Variants in PXT1 observed in about 807,000 individuals in gnomAD.
PXT1 encodes the protein peroxisomal testis enriched protein 1.
A neutral mutation model predicts 11.0 loss-of-function variants in PXT1; 11 were observed. The ratio of observed to expected loss-of-function variants is 1.00; its 90% CI spans 0.63 to 1.66. The LOEUF is 1.66. PXT1 is among the 40% of genes most tolerant of loss of function. PXT1 has a pLI of 0.00. For synonymous variants in PXT1, 43 were observed against 51.4 expected (o/e 0.84, Z 0.70); for missense variants, 141 against 155.5 (o/e 0.91, Z 0.49).
At chr6:36,395,357 A>G (rs555597675) in intron 4 of PXT1, among the ~76,000 whole-genome samples, 1 of 152,302 alleles carries the variant, frequency 6.6e-6, no homozygotes, top group South Asian at 2.1e-4. Context: ...TGCTTGATTA[A>G]ACAGAGTACA....
chr6:36,400,481 G>T lies in PXT1; in HGVS notation c.273C>A (p.Asp91Glu). 6.2e-7 allele frequency: 1 copy of T among 1,613,864 alleles called. No individual in the cohort carries two copies. The highest frequency in any genetic ancestry group is 8.5e-7 in the Non-Finnish European group (1 of 1,179,854). The change falls in exon 4 of 5, where the codon GAC becomes GAA. Residue 91 changes from aspartate to glutamate, a missense_variant. By Grantham distance (45) the Asp-to-Glu change is conservative (BLOSUM62 2). Transcript: ENST00000454782. The part of the protein sequence containing the change: ...KLAMQLRHIG[D>E]NIDHRMVRED... The stretch of plus-strand genomic sequence containing the variant: ...CTCGAACCATCCTATGATCAATGTT[G>T]TCCCCAATGTGTCTCAGCTGCATGG...
In PXT1 at chr6:36,391,584, C is replaced by T; in HGVS notation, c.*186G>A. On this transcript the variant is annotated 3_prime_UTR_variant, in exon 5 of 5. Transcript: ENST00000454782. ...GTGATCGCAGACATCTCATAGCTAG[C>T]TCCTCCGAAGAGACAAATGGCTCGT... The T allele has an allele frequency of 3.3e-6, 2 of 610,622 alleles. No homozygotes were observed. The highest frequency in any genetic ancestry group is 2.9e-6 in the Non-Finnish European group (1 of 341,822). The allele number at this position is 610,622 out of a possible 1,614,324, so 37.8% of individuals were successfully genotyped here.
At chr6:36,410,043 G>A (rs12202691) in intron 3 of PXT1, among the ~76,000 whole-genome samples, 38,602 of 150,834 alleles carry the variant, frequency 0.26, 5,004 homozygotes, top group East Asian at 0.39. Flanking sequence ...AGGGTGGCTG[G>A]GGGACTCGGT....
chr6:36,441,072 G>A (rs796556853), intron 1 of PXT1, among the ~76,000 whole-genome samples: 7 of 147,168 alleles, frequency 4.8e-5, no homozygotes, highest in African/African-American at 1.8e-4. Context: ...TTCAAGACCT[G>A]CCTGGGCAAC....
At chr6:36,417,833 GCACA>G in intron 3 of PXT1, among the ~76,000 whole-genome samples, 1 of 151,774 alleles carries the variant, frequency 6.6e-6, no homozygotes, top group Non-Finnish European at 1.5e-5. Flanking sequence ...AAATGTAAAT[GCACA>G]TTATTTAGAA....
chr6:36,406,462 A>C (rs1774293700), intron 3 of PXT1, among the ~76,000 whole-genome samples: 1 of 152,126 alleles, frequency 6.6e-6, no homozygotes, highest in Admixed American at 6.6e-5. Flanking sequence ...GAAAATATTG[A>C]AAGGACAGGG....
At chr6:36,410,421 G>T (rs1435430220) in intron 3 of PXT1, among the ~76,000 whole-genome samples, 25 of 149,374 alleles carry the variant, frequency 1.7e-4, no homozygotes, top group Admixed American at 1.3e-3. Context: ...TTGCTCGCCA[G>T]CCAGGGCAAC....
At position 36,391,917 on chromosome 6, in the gene PXT1, TTTTA is replaced by T. The variant is rs373183785; in HGVS notation, c.301-47_301-44del. ...GACACAGAGAAAGGTTTTTTTTTTT[TTTTA>T]AAAGTGATAGAATAATCCAAAGTTA... On this transcript the variant is annotated intron_variant, in intron 4 of 4. Transcript: ENST00000454782. The T allele has an allele frequency of 6.9e-3, 7,640 of 1,106,490 alleles. 8 individuals carry two copies. Among genetic ancestry groups the T allele is most frequent in the East Asian group, 0.013 (451 of 33,490 alleles). The allele number at this position is 1,106,490 out of a possible 1,614,324, so 68.5% of individuals were successfully genotyped here.
chr6:36,427,015 CTTTTTTTT>C (rs71768864), intron 2 of PXT1, among the ~76,000 whole-genome samples: 1 of 141,166 alleles, frequency 7.1e-6, no homozygotes, highest in African/African-American at 2.6e-5. Flanking sequence ...CTTTTTTTTT[CTTTTTTTT>C]TTTTGAGACA....
chr6:36,413,679 T>C (rs1774407891), intron 3 of PXT1, among the ~76,000 whole-genome samples: 1 of 152,002 alleles, frequency 6.6e-6, no homozygotes, highest in Non-Finnish European at 1.5e-5. Flanking sequence ...TAGAATTCTA[T>C]GCCCAGCTAA....
rs534614486 is a variant in PXT1 at position 36,398,615 on chromosome 6, A to G, written c.300+1839T>C. 1.3e-3 allele frequency among the ~76,000 whole-genome samples: 192 copies of G among 152,368 alleles called. 1 individual carries two copies. Among genetic ancestry groups the G allele is most frequent in the African/African-American group, 4.1e-3 (170 of 41,586 alleles). Reference sequence around the variant, plus strand: ...AAAAGTATGTTAAGTGAAAGAAGCCATACACAAAGTTCCATGTTGTGTTAT... The same window carrying G: ...AAAAGTATGTTAAGTGAAAGAAGCCGTACACAAAGTTCCATGTTGTGTTAT... On this transcript the variant is annotated intron_variant, in intron 4 of 4. Transcript: ENST00000454782.
chr6:36,411,071 T>C (rs1342611120), intron 3 of PXT1, among the ~76,000 whole-genome samples: 1 of 152,224 alleles, frequency 6.6e-6, no homozygotes, highest in Non-Finnish European at 1.5e-5. Context: ...CATAATGGCA[T>C]GTCATATTTC....
At chr6:36,422,903 G>A (rs1774542839) in intron 3 of PXT1, among the ~76,000 whole-genome samples, 2 of 151,904 alleles carry the variant, frequency 1.3e-5, no homozygotes, top group Admixed American at 1.3e-4. Context: ...CTCCATTCCC[G>A]CACAGCAATG....
chr6:36,419,150 G>T (rs12211116), intron 3 of PXT1, among the ~76,000 whole-genome samples: 1 of 152,174 alleles, frequency 6.6e-6, no homozygotes, highest in African/African-American at 2.4e-5. Flanking sequence ...GGACATCAAT[G>T]AGGGTTGAGA....
At position 36,439,279 on chromosome 6, in the gene PXT1, T is replaced by C. The variant is rs184582548; in HGVS notation, c.-129-393A>G. Reference sequence around the variant, plus strand: ...TCCCAAAGTACTGGGATTACAGGCGTCCGGCCTATTTTCTTTTCCAAATGC... The same window carrying C: ...TCCCAAAGTACTGGGATTACAGGCGCCCGGCCTATTTTCTTTTCCAAATGC... On this transcript the variant is annotated intron_variant, in intron 1 of 4. Coordinates refer to ENST00000454782, the MANE Select transcript of PXT1 (RefSeq NM_152990.4). Among the ~76,000 whole-genome samples, 515 of 150,702 alleles carry C rather than the reference T, an allele frequency of 3.4e-3. 1 individual carries two copies. Among genetic ancestry groups the C allele is most frequent in the African/African-American group, 0.012 (489 of 41,266 alleles).
chr6:36,414,900 G>C (rs1395094116), intron 3 of PXT1, among the ~76,000 whole-genome samples: 1 of 152,126 alleles, frequency 6.6e-6, no homozygotes, highest in Non-Finnish European at 1.5e-5. Flanking sequence ...GAGGATTTTA[G>C]AGCATTAGCT....
chr6:36,422,197 C>T (rs1309680324), intron 3 of PXT1, among the ~76,000 whole-genome samples: 1 of 152,158 alleles, frequency 6.6e-6, no homozygotes, highest in Non-Finnish European at 1.5e-5. Flanking sequence ...TACAACCAGG[C>T]ACTCCCTAAG....
intron 2 of PXT1, among the ~76,000 whole-genome samples, chr6:36,435,997 G>A (rs1242061709): frequency 6.6e-6 from 1 of 151,418 alleles, no homozygotes; most frequent in Non-Finnish European, 1.5e-5. Context: ...CAGGGATCCT[G>A]GAAAACAAGA....
At chr6:36,419,562 G>C (rs1285843859) in intron 3 of PXT1, among the ~76,000 whole-genome samples, 1 of 152,172 alleles carries the variant, frequency 6.6e-6, no homozygotes, top group East Asian at 1.9e-4. Context: ...TATATTTTGT[G>C]CCTGTCTAAA....
Sources: gnomAD v4.1 joint callset for allele counts (sites outside exome capture counted in the v4.1 genomes callset) on GRCh38, gnomAD v4.1.1 for gene constraint, MANE v1.5 for transcripts, NCBI Gene and HGNC (gene_info 2026-07-23, HGNC 2026-07-21) for gene names.